The following RCAN2 variants were observed in gnomAD, a reference collection of about 807,000 sequenced individuals.
The protein encoded by RCAN2 is regulator of calcineurin 2.
In RCAN2, 9 loss-of-function variants were observed where a neutral mutation model predicts 23.6. The observed-to-expected ratio is 0.38, with a 90% confidence interval of 0.23 to 0.67. The LOEUF (loss-of-function observed/expected upper bound fraction) is 0.67. Among genes scored for constraint, RCAN2 ranks in the 30% least tolerant of loss-of-function variants. RCAN2 has a pLI of 0.51. For missense variants in RCAN2, 273 were observed against 302.3 expected (o/e 0.90, Z 0.72); for synonymous variants, 109 against 115.7 (o/e 0.94, Z 0.37).
intron 2 of RCAN2, among the ~76,000 whole-genome samples, chr6:46,360,533 C>CAAAAAAA (rs765916099): frequency 1.2e-4 from 4 of 33,498 alleles, no homozygotes; most frequent in African/African-American, 2.5e-4. Context: ...GACTCCGTCT[C>CAAAAAAA]AAAAAAAAAA....
chr6:46,318,306 G>A (rs1763507391), intron 2 of RCAN2, among the ~76,000 whole-genome samples: 1 of 152,152 alleles, frequency 6.6e-6, no homozygotes, highest in African/African-American at 2.4e-5. Flanking sequence ...GGAAATGAAA[G>A]TTAGTACATA....
At chr6:46,391,468 A>G (rs1765937203) in intron 2 of RCAN2, among the ~76,000 whole-genome samples, 1 of 152,136 alleles carries the variant, frequency 6.6e-6, no homozygotes, top group Non-Finnish European at 1.5e-5. Flanking sequence ...CATTTGGCTT[A>G]TTGGAAGCTG....
In RCAN2 at chr6:46,221,716, TG is replaced by T. The variant is rs1472122470; in HGVS notation, c.*1424del. ...AATCTGTTTGCTGTGTTATTGTTCTTGTGTGTTTTTCTGAGGCTTGGGTAAT... is the reference window on the plus strand; with the variant it reads ...AATCTGTTTGCTGTGTTATTGTTCTTTGTGTTTTTCTGAGGCTTGGGTAAT... On this transcript the variant is annotated 3_prime_UTR_variant, in exon 5 of 5. Coordinates refer to ENST00000371374, the MANE Select transcript of RCAN2 (RefSeq NM_001251974.2). The T allele has an allele frequency of 5.2e-6, 2 of 387,954 alleles. No individual in the cohort carries two copies. Among genetic ancestry groups the T allele is most frequent in the African/African-American group, 4.1e-5 (2 of 48,392 alleles). The allele number at this position is 387,954 out of a possible 1,614,324, so 24.0% of individuals were successfully genotyped here.
chr6:46,297,059 C>T (rs1395803510), intron 2 of RCAN2, among the ~76,000 whole-genome samples: 1 of 152,132 alleles, frequency 6.6e-6, no homozygotes, highest in African/African-American at 2.4e-5. Context: ...CTTCTGAACT[C>T]CGCTTCAGAG....
rs1385893962 is a variant in RCAN2, at chr6:46,444,466, C to T, written c.225+12286G>A. ...CTTTATTTCCAAAAGACATGAGCCC[C>T]CCACAGCTCTAGTCATCATGCTGGT... is the stretch of plus-strand genomic sequence containing the variant. On this transcript the variant is annotated intron_variant, in intron 2 of 4. Transcript: ENST00000371374. Among the ~76,000 whole-genome samples the T allele has an allele frequency of 3.9e-5, 6 of 152,280 alleles. No homozygotes were observed. The South Asian group carries it at 1.2e-3, about 32-fold the overall frequency.
intron 2 of RCAN2, among the ~76,000 whole-genome samples, chr6:46,353,939 C>T (rs1007981431): frequency 6.6e-6 from 1 of 152,130 alleles, no homozygotes; most frequent in Non-Finnish European, 1.5e-5. Context: ...TTTTTCTTCT[C>T]ATTACTAATA....
intron 2 of RCAN2, among the ~76,000 whole-genome samples, chr6:46,320,708 A>C (rs1297237630): frequency 6.6e-6 from 1 of 152,128 alleles, no homozygotes; most frequent in Non-Finnish European, 1.5e-5. Flanking sequence ...AGTGACCTTA[A>C]AAAGGCCTTG....
chr6:46,306,286 C>T (rs146982095), intron 2 of RCAN2, among the ~76,000 whole-genome samples: 18 of 152,232 alleles, frequency 1.2e-4, no homozygotes, highest in African/African-American at 4.1e-4. Context: ...TACATTTCTC[C>T]TCCAAGAATT....
intron 2 of RCAN2, among the ~76,000 whole-genome samples, chr6:46,332,802 A>G (rs998598413): frequency 1.3e-5 from 2 of 152,182 alleles, no homozygotes; most frequent in African/African-American, 4.8e-5. Context: ...AGCATGATTT[A>G]TAGTCCTTTG....
At chr6:46,265,747 C>T (rs999686959) in intron 2 of RCAN2, among the ~76,000 whole-genome samples, 2 of 152,158 alleles carry the variant, frequency 1.3e-5, no homozygotes, top group African/African-American at 2.4e-5. Flanking sequence ...TGCTTTCTAC[C>T]AAGGGCTGCT....
At chr6:46,292,501 T>C (rs1762601557) in intron 2 of RCAN2, among the ~76,000 whole-genome samples, 1 of 151,386 alleles carries the variant, frequency 6.6e-6, no homozygotes, top group Non-Finnish European at 1.5e-5. Flanking sequence ...ATTTCCCTTT[T>C]AGAGCTTAAT....
At chr6:46,289,241 T>A (rs183086357) in intron 2 of RCAN2, among the ~76,000 whole-genome samples, 19,428 of 151,584 alleles carry the variant, frequency 0.13, 1,697 homozygotes, top group Non-Finnish European at 0.2. Context: ...TCACTATTTT[T>A]TCCCCCCAGG....
At chr6:46,419,820 C>T (rs887821272) in intron 2 of RCAN2, among the ~76,000 whole-genome samples, 2 of 152,122 alleles carry the variant, frequency 1.3e-5, no homozygotes, top group African/African-American at 2.4e-5. Context: ...ATAAGTCAAG[C>T]ACATTTCTAA....
chr6:46,279,495 C>A (rs560591039), intron 2 of RCAN2, among the ~76,000 whole-genome samples: 1 of 152,258 alleles, frequency 6.6e-6, no homozygotes, highest in Admixed American at 6.5e-5. Flanking sequence ...CAGTAGCATC[C>A]CCCTAATTGT....
chr6:46,446,068 G>A (rs1435548429), intron 2 of RCAN2, among the ~76,000 whole-genome samples: 28 of 151,274 alleles, frequency 1.9e-4, no homozygotes, highest in Non-Finnish European at 1.3e-4. Flanking sequence ...GGTACAGGAA[G>A]GTCTCCACTA....
At chr6:46,434,667 G>A (rs914488353) in intron 2 of RCAN2, among the ~76,000 whole-genome samples, 4 of 152,158 alleles carry the variant, frequency 2.6e-5, no homozygotes, top group African/African-American at 7.2e-5. Flanking sequence ...CCTAAGATGA[G>A]GTCCTAGAAC....
chr6:46,385,017 G>A (rs1245898342), intron 2 of RCAN2, among the ~76,000 whole-genome samples: 1 of 152,204 alleles, frequency 6.6e-6, no homozygotes, highest in Non-Finnish European at 1.5e-5. Flanking sequence ...ATTAGTGCTG[G>A]ACAAGGGTGA....
At chr6:46,380,826 A>T (rs1271280209) in intron 2 of RCAN2, among the ~76,000 whole-genome samples, 3 of 152,236 alleles carry the variant, frequency 2.0e-5, no homozygotes, top group Non-Finnish European at 4.4e-5. Context: ...TGTAAAAAAG[A>T]TTGATAGATA....
At chr6:46,307,803 C>A (rs532386247) in intron 2 of RCAN2, among the ~76,000 whole-genome samples, 53 of 152,208 alleles carry the variant, frequency 3.5e-4, no homozygotes, top group Non-Finnish European at 6.6e-4. Flanking sequence ...GTTTGAATTA[C>A]CACCTCTTTT....
Sources: gnomAD v4.1 joint callset for allele counts (sites outside exome capture counted in the v4.1 genomes callset) on GRCh38, gnomAD v4.1.1 for gene constraint, MANE v1.5 for transcripts, NCBI Gene and HGNC (gene_info 2026-07-23, HGNC 2026-07-21) for gene names.